BIRC6: variants seen among roughly 807,000 people sequenced by gnomAD.
BIRC6 encodes the protein dual E2 ubiquitin-conjugating enzyme/E3 ubiquitin-protein ligase BIRC6.
A neutral mutation model predicts 503.3 loss-of-function variants in BIRC6; 98 were observed. The ratio of observed to expected loss-of-function variants is 0.19; its 90% CI spans 0.17 to 0.23. The LOEUF is 0.23. Ranked by LOEUF, BIRC6 falls within the 10% of genes least tolerant of loss-of-function variation. The probability of loss-of-function intolerance (pLI) is 1.00; values close to 1 mark genes in which losing one functional copy is unlikely to be tolerated. For missense variants in BIRC6, 5,360 were observed against 5,806.0 expected, an observed-to-expected ratio of 0.92 and a Z score of 2.50; for synonymous variants, 2,240 against 2,078.7, an observed-to-expected ratio of 1.08 and a Z score of -2.11.
At chr2:32,423,944 C>A (rs2043204958) in intron 10 of BIRC6, among the ~76,000 whole-genome samples, 1 of 152,282 alleles carries the variant, frequency 6.6e-6, no homozygotes, top group East Asian at 1.9e-4. Flanking sequence ...TATCGCAGTG[C>A]TTGTGTTCAA....
In BIRC6 at chr2:32,444,031, G is replaced by GTTTTTTTTTTTTTT. The variant is rs776568064; in HGVS notation, c.4336+448_4336+461dup. On this transcript the variant is annotated intron_variant, in intron 20 of 73. Transcript: ENST00000421745. ...TGGAATTTCCTAAAAGGGACCAGTG[G>GTTTTTTTTTTTTTT]TTTTTTTTTTTTTTTTTTAAAGCAC... Among the ~76,000 whole-genome samples the GTTTTTTTTTTTTTT allele has an allele frequency of 5.8e-5, 8 of 136,874 alleles. 1 individual carries two copies. The highest frequency in any genetic ancestry group is 1.9e-4 in the African/African-American group (7 of 36,232). 89.8% of individuals were successfully genotyped at this position (136,874 alleles called of 152,430 possible). A position where few individuals can be genotyped will look rare whatever the true frequency, so the allele number is the denominator to read the frequency against.
intron 65 of BIRC6, among the ~76,000 whole-genome samples, chr2:32,559,553 G>A (rs2059011165): frequency 6.6e-6 from 1 of 152,074 alleles, no homozygotes; most frequent in Admixed American, 6.6e-5. Context: ...TGCTTTAACA[G>A]GCAGGTTTTT....
At chr2:32,369,428 AT>A (rs554684813) in intron 1 of BIRC6, among the ~76,000 whole-genome samples, 482 of 139,454 alleles carry the variant, frequency 3.5e-3, no homozygotes, top group East Asian at 5.6e-3. Flanking sequence ...GTAGCAATTG[AT>A]TTTTTTTTTT....
intron 8 of BIRC6, among the ~76,000 whole-genome samples, chr2:32,402,104 C>T (rs529052982): frequency 2.6e-4 from 40 of 151,920 alleles, no homozygotes; most frequent in Admixed American, 9.9e-4. Flanking sequence ...TACCAGTAGT[C>T]AGCAGTGAGT....
At chr2:32,416,649 T>C (rs2042402675) in intron 10 of BIRC6, among the ~76,000 whole-genome samples, 1 of 152,036 alleles carries the variant, frequency 6.6e-6, no homozygotes, top group African/African-American at 2.4e-5. Flanking sequence ...GCTAAATACA[T>C]TTTTTTGTCT....
intron 61 of BIRC6, among the ~76,000 whole-genome samples, chr2:32,536,534 G>A (rs1398365454): frequency 3.9e-5 from 6 of 152,114 alleles, no homozygotes; most frequent in Non-Finnish European, 7.4e-5. Flanking sequence ...TGGCTAGCCA[G>A]TTTCCCAGCA....
At chr2:32,452,415 C>T (rs1375133260) in intron 22 of BIRC6, among the ~76,000 whole-genome samples, 2 of 151,972 alleles carry the variant, frequency 1.3e-5, no homozygotes, top group Non-Finnish European at 2.9e-5. Context: ...GAAATTTCTA[C>T]TATGGTAAAT....
At chr2:32,385,420 G>C (rs1461288550) in intron 3 of BIRC6, among the ~76,000 whole-genome samples, 2 of 152,186 alleles carry the variant, frequency 1.3e-5, no homozygotes, top group African/African-American at 2.4e-5. Context: ...TCAATATTAT[G>C]GTTGGTGTGT....
intron 1 of BIRC6, among the ~76,000 whole-genome samples, chr2:32,360,832 G>A (rs2033958041): frequency 1.3e-5 from 2 of 152,112 alleles, no homozygotes; most frequent in African/African-American, 4.8e-5. Flanking sequence ...TCCTTGTGGG[G>A]AGGTACTTTG....
At chr2:32,566,225 G>A (rs1352121095) in intron 65 of BIRC6, 1 of 152,062 alleles carries the variant, frequency 6.6e-6, no homozygotes, top group African/African-American at 2.4e-5. Context: ...GCTACATAAT[G>A]GGCATTTAGT....
At chr2:32,524,061 A>T (rs946861793) in intron 57 of BIRC6, among the ~76,000 whole-genome samples, 2 of 151,974 alleles carry the variant, frequency 1.3e-5, no homozygotes, top group Non-Finnish European at 2.9e-5. Flanking sequence ...AAAAAAAGAG[A>T]ATTGGAGACT....
chr2:32,534,759 A>AAG (rs2057076792), intron 61 of BIRC6, among the ~76,000 whole-genome samples: 2 of 144,354 alleles, frequency 1.4e-5, no homozygotes, highest in South Asian at 2.2e-4. Context: ...AAAAAAAAAA[A>AAG]TGGTTCAAAT....
chr2:32,513,294 G>T, intron 54 of BIRC6, 140 bp downstream of exon 54: 1 of 642,316 alleles, frequency 1.6e-6, no homozygotes, highest in Non-Finnish European at 2.6e-6. Context: ...GTATACTTTT[G>T]AAATGAATTG....
intron 57 of BIRC6, among the ~76,000 whole-genome samples, chr2:32,520,914 A>G (rs1261453020): frequency 2.0e-5 from 3 of 152,256 alleles, no homozygotes; most frequent in Admixed American, 6.5e-5. Context: ...CTTGAAGTGC[A>G]AAAGTAGACA....
Position 32,491,542 on chromosome 2 carries a change from A to G in BIRC6, c.8324A>G (p.Asn2775Ser). The change falls in exon 44 of 74, where the codon AAT becomes AGT. Residue 2775 changes from asparagine (N) to serine (S), a missense_variant. By Grantham distance (46) the Asn-to-Ser change is conservative. Around this residue, in one of 16 missense-constraint regions of BIRC6, gnomAD observed 2,299 missense variants for 2,267.2 expected, o/e 1.01. Coordinates refer to ENST00000421745, the MANE Select transcript of BIRC6 (RefSeq NM_016252.4). ...FLSGTSPHGT[N>S]QHSPQVGPTA... Reference sequence around the variant, plus strand: ...TCTGGCACCAGTCCACATGGAACAAATCAACACAGTCCACAGGTAATATGA... The same window carrying G: ...TCTGGCACCAGTCCACATGGAACAAGTCAACACAGTCCACAGGTAATATGA... 6.2e-7 allele frequency: 1 copy of G among 1,613,516 alleles called. No homozygotes were observed. The highest frequency in any genetic ancestry group is 8.5e-7 in the Non-Finnish European group (1 of 1,179,640).
At chr2:32,551,987 G>A (rs1380709882) in intron 65 of BIRC6, among the ~76,000 whole-genome samples, 2 of 152,128 alleles carry the variant, frequency 1.3e-5, no homozygotes, top group Non-Finnish European at 2.9e-5. Flanking sequence ...ATAAAAAAAC[G>A]CAGGCCTAAC....
chr2:32,576,353 T>G (rs2060262957), intron 66 of BIRC6, among the ~76,000 whole-genome samples: 1 of 152,230 alleles, frequency 6.6e-6, no homozygotes, highest in Non-Finnish European at 1.5e-5. Context: ...TCAAAACTCT[T>G]TTTTAAATAA....
chr2:32,589,613 AT>A (rs2061281581), intron 66 of BIRC6, among the ~76,000 whole-genome samples: 1 of 152,144 alleles, frequency 6.6e-6, no homozygotes, highest in Non-Finnish European at 1.5e-5. Context: ...ATACCCATAT[AT>A]TTCTTTAAAC....
At chr2:32,569,969 G>A (rs962100432) in intron 65 of BIRC6, among the ~76,000 whole-genome samples, 1 of 151,924 alleles carries the variant, frequency 6.6e-6, no homozygotes, top group African/African-American at 2.4e-5. Flanking sequence ...TGTTGAATAA[G>A]AGTGGTGAAA....
Sources: gnomAD v4.1 joint callset for allele counts (sites outside exome capture counted in the v4.1 genomes callset) on GRCh38, gnomAD v4.1.1 for gene constraint, gnomAD v4.1.1 regional missense constraint, MANE v1.5 for transcripts, NCBI Gene and HGNC (gene_info 2026-07-23, HGNC 2026-07-21) for gene names.